TPTE2: variants seen among roughly 807,000 people sequenced by gnomAD.
TPTE2 encodes phosphatidylinositol 3,4,5-trisphosphate 3-phosphatase TPTE2.
TPTE2 carries 53 observed loss-of-function variants against 78.6 expected under a neutral mutation model. The ratio of observed to expected loss-of-function variants is 0.67; its 90% CI spans 0.54 to 0.85. The LOEUF (loss-of-function observed/expected upper bound fraction) is 0.85, where lower values mean the gene tolerates loss of function less well. Among genes scored for constraint, TPTE2 ranks in the 40% least tolerant of loss-of-function variants. The pLI is 0.00. For synonymous variants in TPTE2, 175 were observed against 206.2 expected (o/e 0.85, Z 1.30); for missense variants, 461 against 623.0 (o/e 0.74, Z 2.77).
chr13:19,478,822 A>G (rs1880136195), intron 4 of TPTE2, among the ~76,000 whole-genome samples: 1 of 152,200 alleles, frequency 6.6e-6, no homozygotes, highest in Non-Finnish European at 1.5e-5. Flanking sequence ...ATGGAATACT[A>G]TGCAGCCATA....
At chr13:19,484,752 A>G (rs1210622459) in intron 3 of TPTE2, among the ~76,000 whole-genome samples, 2 of 152,092 alleles carry the variant, frequency 1.3e-5, no homozygotes, top group African/African-American at 4.8e-5. Context: ...GTCCATTTTT[A>G]TGGTTTTTAA....
intron 5 of TPTE2, among the ~76,000 whole-genome samples, chr13:19,474,514 A>G (rs1879820847): frequency 6.6e-6 from 1 of 152,212 alleles, no homozygotes; most frequent in Non-Finnish European, 1.5e-5. Context: ...ATTAATAAAA[A>G]CCAAATGAAA....
At chr13:19,493,852 A>G (rs1434314330) in intron 1 of TPTE2, among the ~76,000 whole-genome samples, 1 of 152,164 alleles carries the variant, frequency 6.6e-6, no homozygotes, top group Non-Finnish European at 1.5e-5. Flanking sequence ...TCCTGCTTAA[A>G]AGGCCCTCCA....
At chr13:19,521,594 C>T (rs1421345285) in intron 1 of TPTE2, among the ~76,000 whole-genome samples, 1 of 151,848 alleles carries the variant, frequency 6.6e-6, no homozygotes, top group Non-Finnish European at 1.5e-5. Flanking sequence ...AAGATTTATG[C>T]TAAATAGTTT....
In TPTE2 at chr13:19,465,254, C is replaced by T; in HGVS notation, c.676+1G>A. The T allele has an allele frequency of 2.5e-6, 4 of 1,613,814 alleles. No individual in the cohort carries two copies. The highest frequency in any genetic ancestry group is 3.4e-6 in the Non-Finnish European group (4 of 1,179,806). On this transcript the variant is annotated splice_donor_variant, in intron 9 of 19. Coordinates refer to ENST00000400230, the Ensembl canonical transcript of TPTE2. LOFTEE classifies it high-confidence loss of function. The stretch of plus-strand genomic sequence containing the variant: ...TAAATCAACCATTAAGTGTCACAAA[C>T]CTGTAACGTAAGTGAGGTCTAGGTC...
In TPTE2 at chr13:19,529,103, C is replaced by G. The variant is rs1328261861; in HGVS notation, c.-44+7493G>C. Among the ~76,000 whole-genome samples, 219 of 152,262 alleles carry G rather than the reference C, an allele frequency of 1.4e-3. 3 individuals are homozygous for G. Among genetic ancestry groups the G allele is most frequent in the Non-Finnish European group, 1.0e-4 (7 of 68,020 alleles). ...ACTGTACTCCAGCCCCTGGGCAACA[C>G]AGCAAGAATCTGTCTCAAAATAAAT... On this transcript the variant is annotated intron_variant, in intron 1 of 17. Coordinates refer to the TPTE2 transcript ENST00000390680.
At chr13:19,462,699 C>T (rs1247128593) in intron 10 of TPTE2, among the ~76,000 whole-genome samples, 2 of 151,722 alleles carry the variant, frequency 1.3e-5, no homozygotes, top group Admixed American at 1.3e-4. Flanking sequence ...CACGCCACCA[C>T]ACCTAGCTAA....
At position 19,499,573 on chromosome 13, in the gene TPTE2, C is replaced by A. The variant is rs529749562; in HGVS notation, c.11+3651G>T. Among the ~76,000 whole-genome samples, 15 of 145,070 alleles carry A rather than the reference C, an allele frequency of 1.0e-4. No homozygotes were observed. The East Asian group carries it at 2.8e-3, about 27-fold the overall frequency. On this transcript the variant is annotated intron_variant, in intron 1 of 19. Transcript: ENST00000400230. ...TACTGGGTATATAACGAAATGAAGG[C>A]AGAAATAAAGATGTTCTTTGAAACC... is the stretch of plus-strand genomic sequence containing the variant.
chr13:19,518,886 C>T (rs1423861963), intron 1 of TPTE2, among the ~76,000 whole-genome samples: 3 of 152,180 alleles, frequency 2.0e-5, no homozygotes, highest in Non-Finnish European at 4.4e-5. Flanking sequence ...TATAGAAAAT[C>T]ACAGTTTACC....
At chr13:19,429,446 G>A (rs578039110) in intron 17 of TPTE2, among the ~76,000 whole-genome samples, 1 of 152,358 alleles carries the variant, frequency 6.6e-6, no homozygotes, top group African/African-American at 2.4e-5. Flanking sequence ...GAGGCAGAGA[G>A]AAAGCTCCTT....
chr13:19,460,664 A>G (rs879094627), intron 10 of TPTE2, among the ~76,000 whole-genome samples: 1 of 152,142 alleles, frequency 6.6e-6, no homozygotes, highest in Admixed American at 6.5e-5. Context: ...AAGTAGCTGA[A>G]CTTGCAGGCC....
chr13:19,530,531 T>C (rs905780977), intron 1 of TPTE2, among the ~76,000 whole-genome samples: 31 of 152,310 alleles, frequency 2.0e-4, no homozygotes, highest in African/African-American at 7.5e-4. Context: ...ATTATATACA[T>C]GGTATGTGCT....
At chr13:19,503,791 G>A (rs1868790023), upstream of TPTE2, among the ~76,000 whole-genome samples, 1 of 152,100 alleles carries the variant, frequency 6.6e-6, no homozygotes, top group African/African-American at 2.4e-5. Context: ...ACATTTCTAG[G>A]GTTGTTAGCT....
chr13:19,472,896 G>T (rs1389073256), intron 6 of TPTE2, among the ~76,000 whole-genome samples: 1 of 152,202 alleles, frequency 6.6e-6, no homozygotes, highest in Non-Finnish European at 1.5e-5. Context: ...TGTGATCTAA[G>T]CTCTATCTGC....
At chr13:19,448,992 TG>T (rs1397016497) in intron 13 of TPTE2, among the ~76,000 whole-genome samples, 2 of 152,174 alleles carry the variant, frequency 1.3e-5, no homozygotes, top group African/African-American at 4.8e-5. Context: ...ATAATATGGA[TG>T]AACCTGGAGA....
At chr13:19,494,023 G>A (rs1287653386) in intron 1 of TPTE2, among the ~76,000 whole-genome samples, 1 of 152,154 alleles carries the variant, frequency 6.6e-6, no homozygotes, top group South Asian at 2.1e-4. Context: ...CACCTCCAAG[G>A]CTCTTAGCTC....
intron 10 of TPTE2, among the ~76,000 whole-genome samples, chr13:19,457,931 C>T (rs1371023547): frequency 1.3e-5 from 2 of 152,122 alleles, no homozygotes; most frequent in Non-Finnish European, 2.9e-5. Context: ...TATCTTCAAC[C>T]CTTGCCTTTA....
At chr13:19,521,074 G>C (rs981514076) in intron 1 of TPTE2, among the ~76,000 whole-genome samples, 5 of 151,980 alleles carry the variant, frequency 3.3e-5, no homozygotes, top group Admixed American at 2.6e-4. Flanking sequence ...TGTTGTTGCT[G>C]GGGGATGGAG....
upstream of TPTE2, among the ~76,000 whole-genome samples, chr13:19,540,306 TTA>T (rs1491391693): frequency 6.7e-6 from 1 of 149,074 alleles, no homozygotes; most frequent in African/African-American, 2.4e-5. Context: ...ATTATTATTA[TTA>T]TGGTTTTTTT....
Sources: gnomAD v4.1 joint callset for allele counts (sites outside exome capture counted in the v4.1 genomes callset) on GRCh38, gnomAD v4.1.1 for gene constraint, MANE v1.5 for transcripts, NCBI Gene and HGNC (gene_info 2026-07-23, HGNC 2026-07-21) for gene names.